RYR3: variants seen among roughly 807,000 people sequenced by gnomAD.
RYR3 encodes ryanodine receptor 3.
RYR3 carries 207 observed loss-of-function variants against 584.3 expected under a neutral mutation model. The ratio of observed to expected loss-of-function variants is 0.35; its 90% CI spans 0.32 to 0.40. RYR3 has a LOEUF of 0.40. Ranked by LOEUF, RYR3 falls within the 10% of genes least tolerant of loss-of-function variation. RYR3 has a pLI of 1.00. For missense variants in RYR3, 5,616 were observed against 6,089.2 expected, an observed-to-expected ratio of 0.92 and a Z score of 2.59; for synonymous variants, 2,416 against 2,248.5, an observed-to-expected ratio of 1.07 and a Z score of -2.11.
At chr15:33,702,582 C>A (rs2066385796) in intron 42 of RYR3, among the ~76,000 whole-genome samples, 1 of 152,028 alleles carries the variant, frequency 6.6e-6, no homozygotes, top group Non-Finnish European at 1.5e-5. Context: ...GTTTAAGGGG[C>A]CCCAGGGCTC....
At chr15:33,833,392 C>T in intron 86 of RYR3, among the ~76,000 whole-genome samples, 1 of 152,112 alleles carries the variant, frequency 6.6e-6, no homozygotes, top group East Asian at 1.9e-4. Flanking sequence ...AGCCAACTGG[C>T]ACAGTCAGAT....
intron 82 of RYR3, 128 bp downstream of exon 82, chr15:33,825,804 C>T: frequency 1.7e-6 from 1 of 594,568 alleles, no homozygotes; most frequent in South Asian, 2.1e-5. Context: ...GCGATCTCAC[C>T]TCACTGCAAC....
intron 32 of RYR3, among the ~76,000 whole-genome samples, chr15:33,654,438 G>T (rs1007021912): frequency 6.6e-6 from 1 of 151,984 alleles, no homozygotes; most frequent in Non-Finnish European, 1.5e-5. Flanking sequence ...TGAGTCCGGG[G>T]AGGTCAAGGC....
At chr15:33,822,932 A>G in intron 80 of RYR3, 64 bp from the exon 81 acceptor site, 2 of 1,350,032 alleles carry the variant, frequency 1.5e-6, no homozygotes. Flanking sequence ...CATCAGGATT[A>G]GGAGGGTCAG....
At chr15:33,799,553 A>C (rs1218679977) in intron 67 of RYR3, among the ~76,000 whole-genome samples, 1 of 152,226 alleles carries the variant, frequency 6.6e-6, no homozygotes, top group Non-Finnish European at 1.5e-5. Flanking sequence ...CTCTTCCCCC[A>C]TACCTTGCCC....
chr15:33,667,060 A>G (rs776325352), intron 36 of RYR3, among the ~76,000 whole-genome samples: 6 of 152,086 alleles, frequency 3.9e-5, no homozygotes, highest in South Asian at 2.1e-4. Context: ...ACGTGACCCA[A>G]CCTGTTCTGT....
At chr15:33,552,245 T>C (rs1004488947) in intron 10 of RYR3, among the ~76,000 whole-genome samples, 1 of 152,190 alleles carries the variant, frequency 6.6e-6, no homozygotes, top group Admixed American at 6.5e-5. Context: ...GGGTCAGCAC[T>C]GTGCTGTGGT....
chr15:33,660,456 C>T, intron 34 of RYR3, 33 bp downstream of exon 34: 1 of 1,454,356 alleles, frequency 6.9e-7, no homozygotes, highest in Non-Finnish European at 9.3e-7. Context: ...AAGGGGCAGG[C>T]CTGAGGGGCA....
chr15:33,422,703 G>T (rs1407634400), intron 1 of RYR3, among the ~76,000 whole-genome samples: 3 of 152,164 alleles, frequency 2.0e-5, no homozygotes, highest in Non-Finnish European at 4.4e-5. Context: ...GTGGGGCCAT[G>T]AATTTATAGA....
chr15:33,330,649 G>C (rs891036303), intron 1 of RYR3, among the ~76,000 whole-genome samples: 2 of 152,234 alleles, frequency 1.3e-5, no homozygotes, highest in African/African-American at 2.4e-5. Flanking sequence ...CTCCCAGATA[G>C]TTGTATTTTA....
At chr15:33,581,399 A>G (rs1179546953) in intron 13 of RYR3, 109 bp from the exon 14 acceptor site, 1 of 1,117,212 alleles carries the variant, frequency 9.0e-7, no homozygotes, top group African/African-American at 1.5e-5. Flanking sequence ...CTATTTGCAT[A>G]TTGGCATTTT....
At chr15:33,576,786 GAAAT>G (rs1477306854) in intron 12 of RYR3, among the ~76,000 whole-genome samples, 9 of 150,950 alleles carry the variant, frequency 6.0e-5, no homozygotes, top group African/African-American at 9.9e-5. Context: ...GCAAGAGAAA[GAAAT>G]AAAGGGTATT....
chr15:33,457,837 T>A (rs1052246794), intron 1 of RYR3, among the ~76,000 whole-genome samples: 2 of 152,208 alleles, frequency 1.3e-5, no homozygotes, highest in Non-Finnish European at 2.9e-5. Context: ...CCCCACAAAC[T>A]TGCAATTATG....
chr15:33,444,033 G>A lies in RYR3; in HGVS notation c.52-29386G>A, dbSNP rs150947539. ...TAATTGCAAGATGCCCAGTGTGCCT[G>A]AAATGAATTTGAGGGCTTTGTGGTT... is the stretch of plus-strand genomic sequence containing the variant. On this transcript the variant is annotated intron_variant, in intron 1 of 103. Coordinates refer to ENST00000634891, the MANE Select transcript of RYR3 (RefSeq NM_001036.6). Among the ~76,000 whole-genome samples, 233 of 152,316 alleles carry A rather than the reference G, an allele frequency of 1.5e-3. 1 individual carries two copies. The highest frequency in any genetic ancestry group is 5.6e-3 in the African/African-American group (231 of 41,558).
chr15:33,747,376 CTT>C (rs34350928), intron 53 of RYR3, among the ~76,000 whole-genome samples: 13,031 of 95,020 alleles, frequency 0.14, 572 homozygotes, highest in South Asian at 0.28. Flanking sequence ...AAAGAGAAAT[CTT>C]TTTTTTTTTT....
chr15:33,437,199 C>T (rs1032812973), intron 1 of RYR3, among the ~76,000 whole-genome samples: 1 of 151,494 alleles, frequency 6.6e-6, no homozygotes, highest in East Asian at 1.9e-4. Flanking sequence ...AAATAGTGGC[C>T]TATTAAGCCT....
intron 67 of RYR3, among the ~76,000 whole-genome samples, chr15:33,798,381 A>T (rs1440416238): frequency 6.6e-6 from 1 of 152,174 alleles, no homozygotes; most frequent in Non-Finnish European, 1.5e-5. Flanking sequence ...GTGAGCCACC[A>T]TGCCCAGCCT....
intron 12 of RYR3, among the ~76,000 whole-genome samples, chr15:33,567,443 A>G (rs925409637): frequency 2.6e-5 from 4 of 152,220 alleles, no homozygotes; most frequent in Non-Finnish European, 5.9e-5. Context: ...GCCAAGGGGT[A>G]TAAATTACGT....
chr15:33,647,330 G>T, intron 29 of RYR3, 94 bp from the exon 30 acceptor site: 3 of 967,954 alleles, frequency 3.1e-6, no homozygotes, highest in South Asian at 2.9e-5. Flanking sequence ...TCCTAAACTT[G>T]ACTTGATCAT....
Sources: allele counts gnomAD v4.1 joint callset (sites outside exome capture counted in the v4.1 genomes callset), GRCh38; gene constraint gnomAD v4.1.1; transcripts MANE v1.5; gene names NCBI Gene and HGNC (gene_info 2026-07-23, HGNC 2026-07-21).